SLC45A2: variants seen among roughly 807,000 people sequenced by gnomAD.
SLC45A2 encodes the protein solute carrier family 45 member 2, also known as membrane-associated transporter protein.
In SLC45A2, 36 loss-of-function variants were observed where a neutral mutation model predicts 45.5. The observed-to-expected ratio is 0.79, with a 90% CI of 0.61 to 1.04. SLC45A2 has a LOEUF of 1.04. SLC45A2 is among the 50% of genes least tolerant of loss of function. The pLI is 0.00. For synonymous variants in SLC45A2, 306 were observed against 269.3 expected (o/e 1.14, Z -1.33); for missense variants, 719 against 671.0 (o/e 1.07, Z -0.79).
chr5:33,984,349 T>C lies in SLC45A2; in HGVS notation c.235A>G (p.Ile79Val), dbSNP rs1452978986. The C allele has an allele frequency of 1.9e-6, 3 of 1,614,034 alleles. No individual in the cohort carries two copies. Among genetic ancestry groups the C allele is most frequent in the Non-Finnish European group, 2.5e-6 (3 of 1,179,992 alleles). The change falls in exon 1 of 7, where the codon ATC becomes GTC. Residue 79 changes from isoleucine to valine, a missense_variant. Transcript: ENST00000296589. ...LYSIVWFLSP[I>V]LGFLLQPVVG... ...ACGGGCTGCAGCAGGAATCCCAGGATGGGGCTGAGGAACCACACAATGCTG... is the reference window on the plus strand; with the variant it reads ...ACGGGCTGCAGCAGGAATCCCAGGACGGGGCTGAGGAACCACACAATGCTG...
intron 1 of SLC45A2, 104 bp downstream of exon 1, chr5:33,984,095 C>A: frequency 6.5e-7 from 1 of 1,540,380 alleles, no homozygotes; most frequent in Non-Finnish European, 8.9e-7. Context: ...GAGATCAATT[C>A]TAACAAATTT....
At chr5:33,966,048 T>C (rs1752593006) in intron 2 of SLC45A2, among the ~76,000 whole-genome samples, 2 of 152,204 alleles carry the variant, frequency 1.3e-5, no homozygotes, top group Non-Finnish European at 2.9e-5. Context: ...CAACTGAGCA[T>C]TACTCATTGC....
chr5:33,946,963 A>T, intron 6 of SLC45A2, 200 bp downstream of exon 6: 1 of 1,498,932 alleles, frequency 6.7e-7, no homozygotes, highest in Non-Finnish European at 8.8e-7. Context: ...GTTGAGAATA[A>T]GGAGGACAGG....
chr5:33,948,096 G>C (rs1751992287), intron 5 of SLC45A2, among the ~76,000 whole-genome samples: 3 of 152,168 alleles, frequency 2.0e-5, no homozygotes, highest in Admixed American at 2.0e-4. Context: ...TTTTGGAGTT[G>C]TTGCCAGGAT....
chr5:33,954,730 A>T (rs763760077), intron 3 of SLC45A2, among the ~76,000 whole-genome samples: 3 of 152,192 alleles, frequency 2.0e-5, no homozygotes, highest in Admixed American at 1.3e-4. Flanking sequence ...GGCTTTGGAC[A>T]CAAGGGCAAA....
intron 5 of SLC45A2, among the ~76,000 whole-genome samples, chr5:33,949,122 ATACCTG>A (rs146707894): frequency 4.6e-5 from 7 of 152,364 alleles, no homozygotes; most frequent in Non-Finnish European, 1.0e-4. Context: ...TCTAATTGGT[ATACCTG>A]TACCTGCTGT....
chr5:33,983,219 A>T (rs1753132927), intron 1 of SLC45A2, among the ~76,000 whole-genome samples: 1 of 152,238 alleles, frequency 6.6e-6, no homozygotes, highest in Non-Finnish European at 1.5e-5. Flanking sequence ...CTGGATTTTC[A>T]TTCTACGGAT....
At chr5:33,977,800 A>C (rs1752971934) in intron 2 of SLC45A2, among the ~76,000 whole-genome samples, 1 of 152,236 alleles carries the variant, frequency 6.6e-6, no homozygotes, top group South Asian at 2.1e-4. Context: ...TGGGAAGTAA[A>C]GCTTGGAGAG....
In SLC45A2 at chr5:33,954,522, A is replaced by G. The variant is rs1380812524; in HGVS notation, c.889-18T>C. 5.6e-6 allele frequency: 9 copies of G among 1,612,998 alleles called. No homozygotes were observed. The highest frequency in any genetic ancestry group is 6.8e-6 in the Non-Finnish European group (8 of 1,179,946). Reference sequence around the variant, plus strand: ...CTGCGAGTCTGAAATAAAACATGAAACAGAGGTGTGATCTTCACTGCAGAA... The same window carrying G: ...CTGCGAGTCTGAAATAAAACATGAAGCAGAGGTGTGATCTTCACTGCAGAA... On this transcript the variant is annotated intron_variant, in intron 3 of 6. Coordinates refer to ENST00000296589, the MANE Select transcript of SLC45A2 (RefSeq NM_016180.5).
intron 2 of SLC45A2, among the ~76,000 whole-genome samples, chr5:33,973,645 T>TA (rs756959404): frequency 5.3e-5 from 8 of 152,348 alleles, no homozygotes; most frequent in East Asian, 3.9e-4. Flanking sequence ...TTTGAAGTAT[T>TA]AAAAGACAAA....
Position 33,972,381 on chromosome 5 carries a change from G to A in SLC45A2, c.563-8365C>T, listed in dbSNP as rs1752810319. Reference sequence around the variant, plus strand: ...ATACATATTGATTTGCCAAATGAACGAGCAAGATTAGACACGTTGAAAATC... The same window carrying A: ...ATACATATTGATTTGCCAAATGAACAAGCAAGATTAGACACGTTGAAAATC... On this transcript the variant is annotated intron_variant, in intron 2 of 6. Coordinates refer to ENST00000296589, the MANE Select transcript of SLC45A2 (RefSeq NM_016180.5). The A allele has an allele frequency of 1.6e-5, 6 of 382,688 alleles. No individual in the cohort carries two copies. In the Admixed American group the frequency reaches 2.0e-4, roughly 13 times the overall value. The allele number at this position is 382,688 out of a possible 1,614,324, so 23.7% of individuals were successfully genotyped here. A position where few individuals can be genotyped will look rare whatever the true frequency, so the allele number is the denominator to read the frequency against.
chr5:33,945,010 C>A, intron 6 of SLC45A2, 138 bp from the exon 7 acceptor site: 6 of 807,432 alleles, frequency 7.4e-6, no homozygotes, highest in Non-Finnish European at 1.0e-5. Context: ...GTCATAACTA[C>A]TCAACTCTGC....
chr5:33,969,065 C>CTCTCTCTCTCTCTGTGTGTGTGTGTGTG, intron 2 of SLC45A2, among the ~76,000 whole-genome samples: 1 of 102,392 alleles, frequency 9.8e-6, no homozygotes, highest in African/African-American at 3.7e-5. Context: ...CTCTCTCTCT[C>CTCTCTCTCTCTCTGTGTGTGTGTGTGTG]TGTGTGTGTG....
chr5:33,977,215 T>C (rs1210575141), intron 2 of SLC45A2, among the ~76,000 whole-genome samples: 1 of 152,184 alleles, frequency 6.6e-6, no homozygotes, highest in African/African-American at 2.4e-5. Context: ...CCTGACAGCT[T>C]CTTGATCTTG....
chr5:33,949,555 A>C (rs1393555471), intron 5 of SLC45A2, among the ~76,000 whole-genome samples: 1 of 152,208 alleles, frequency 6.6e-6, no homozygotes, highest in Non-Finnish European at 1.5e-5. Context: ...GAACTAGGCC[A>C]AACTGTGAAA....
chr5:33,969,001 C>T (rs1345835163), intron 2 of SLC45A2, among the ~76,000 whole-genome samples: 1 of 150,908 alleles, frequency 6.6e-6, no homozygotes, highest in Non-Finnish European at 1.5e-5. Flanking sequence ...TTATTCCCAC[C>T]AGGTACATAC....
At chr5:33,947,778 T>C (rs1751983592) in intron 5 of SLC45A2, among the ~76,000 whole-genome samples, 1 of 152,212 alleles carries the variant, frequency 6.6e-6, no homozygotes, top group Non-Finnish European at 1.5e-5. Context: ...CACAGGCCTA[T>C]CTTGGCCCTA....
intron 2 of SLC45A2, among the ~76,000 whole-genome samples, chr5:33,973,259 T>A (rs1484884682): frequency 6.6e-6 from 1 of 152,160 alleles, no homozygotes; most frequent in African/African-American, 2.4e-5. Context: ...CCCATTTGAA[T>A]GGAAAAGAGA....
rs945210305 is a variant in SLC45A2 at position 33,984,388 on chromosome 5, G to A, written c.196C>T (p.Pro66Ser). 2 of 1,613,400 alleles carry A rather than the reference G, an allele frequency of 1.2e-6. No individual in the cohort carries two copies. Among genetic ancestry groups the A allele is most frequent in the African/African-American group, 2.7e-5 (2 of 74,950 alleles). ...VTPVLLSVGLPSSLYSIVWFL... is the reference protein window; with the variant it reads ...VTPVLLSVGLSSSLYSIVWFL... The stretch of plus-strand genomic sequence containing the variant: ...CACACAATGCTGTACAGGCTGCTGG[G>A]CAGACCTACGCTGAGCAGGACTGGG... The change falls in exon 1 of 7, where the codon CCC becomes TCC. Residue 66 changes from proline to serine, a missense_variant. Coordinates refer to ENST00000296589, the MANE Select transcript of SLC45A2 (RefSeq NM_016180.5).
Sources: gnomAD v4.1 joint callset for allele counts (sites outside exome capture counted in the v4.1 genomes callset) on GRCh38, gnomAD v4.1.1 for gene constraint, MANE v1.5 for transcripts, NCBI Gene and HGNC (gene_info 2026-07-23, HGNC 2026-07-21) for gene names.